MORC2: variants seen among roughly 807,000 people sequenced by gnomAD.
MORC2 encodes the protein ATPase MORC2.
In MORC2, 30 loss-of-function variants were observed where a neutral mutation model predicts 136.0. That is an observed-to-expected ratio of 0.22 (90% CI 0.17 to 0.30). MORC2 has a LOEUF of 0.30. Ranked by LOEUF, MORC2 falls within the 10% of genes least tolerant of loss-of-function variation. The pLI, the probability that MORC2 is intolerant of heterozygous loss-of-function variation, is 1.00. For synonymous variants in MORC2, 439 were observed against 487.0 expected, an observed-to-expected ratio of 0.90 and a Z score of 1.30; for missense variants, 922 against 1,333.1, an observed-to-expected ratio of 0.69 and a Z score of 4.80.
intron 3 of MORC2, among the ~76,000 whole-genome samples, chr22:30,953,246 C>G (rs1483023947): frequency 1.3e-5 from 2 of 152,216 alleles, no homozygotes; most frequent in South Asian, 4.1e-4. Flanking sequence ...AAAGAAGAGT[C>G]TAAGCAGCTG....
chr22:30,967,204 G>A, intron 1 of MORC2: 11 of 985,618 alleles, frequency 1.1e-5, no homozygotes, highest in South Asian at 4.7e-5. Context: ...ACTCCTTCAT[G>A]AACTCAAGAA....
intron 18 of MORC2, 27 bp from the exon 19 acceptor site, chr22:30,935,188 A>G: frequency 6.2e-7 from 1 of 1,612,290 alleles, no homozygotes; most frequent in African/African-American, 1.3e-5. Flanking sequence ...AGAGAGTGAG[A>G]ACACTGATCC....
Position 30,934,043 on chromosome 22 carries a change from T to C in MORC2, c.2325+17A>G. The C allele has an allele frequency of 6.2e-7, 1 of 1,613,838 alleles. No individual in the cohort carries two copies. Among genetic ancestry groups the C allele is most frequent in the East Asian group, 2.2e-5 (1 of 44,856 alleles). On this transcript the variant is annotated intron_variant, in intron 20 of 25. Coordinates refer to ENST00000397641, the MANE Select transcript of MORC2 (RefSeq NM_001303256.3). The surrounding 1 kb of genome is among the most constrained non-coding windows in gnomAD (Gnocchi z 4.4). ...CCTAGAGAGAGAGGCTTTGAGAACCTCACCTCAACCACTCACCTCATTCGA... is the reference window on the plus strand; with the variant it reads ...CCTAGAGAGAGAGGCTTTGAGAACCCCACCTCAACCACTCACCTCATTCGA...
In MORC2 at chr22:30,938,024, A is replaced by G. The variant is rs58997306; in HGVS notation, c.1214+41T>C. The G allele has an allele frequency of 4.7e-3, 7,606 of 1,613,710 alleles. 374 individuals are homozygous for G. The African/African-American group carries it at 0.093, about 20-fold the overall frequency. ...ACCCCACTGGCAACGCCCTCCTGCC[A>G]ACTATCCTGGGCTAGACAGCTCTCT... On this transcript the variant is annotated intron_variant, in intron 13 of 25. Transcript: ENST00000397641.
At chr22:30,966,412 T>C (rs1480288908) in intron 1 of MORC2, among the ~76,000 whole-genome samples, 2 of 152,180 alleles carry the variant, frequency 1.3e-5, no homozygotes, top group Non-Finnish European at 2.9e-5. Flanking sequence ...AGCTGAATAA[T>C]CACTAATCAG....
intron 3 of MORC2, among the ~76,000 whole-genome samples, chr22:30,951,431 T>G (rs905266017): frequency 6.6e-6 from 1 of 152,158 alleles, no homozygotes; most frequent in African/African-American, 2.4e-5. Context: ...AAACCAGCCT[T>G]GGAATCAAGG....
At chr22:30,938,032 T>C in intron 13 of MORC2, 33 bp downstream of exon 13, 1 of 1,613,768 alleles carries the variant, frequency 6.2e-7, no homozygotes, top group Non-Finnish European at 8.5e-7. Flanking sequence ...CCAACTATCC[T>C]GGGCTAGACA....
Position 30,941,473 on chromosome 22 carries a change from C to G in MORC2, c.784G>C (p.Val262Leu), listed in dbSNP as rs1258894762. ...RMRIFIHGHK[V>L]QTKRLSCCLY... ...CAGCAGGAGAGCCTCTTGGTCTGCA[C>G]CTTGTGCCCATGGATGAAGATCCTC... is the stretch of plus-strand genomic sequence containing the variant. Residue 262 changes from valine to leucine, a missense_variant, in exon 9 of 26, where the codon GTG becomes CTG. Val to Leu is a conservative substitution (Grantham distance 32). Around this residue, in one of 9 missense-constraint regions of MORC2, gnomAD observed 261 missense variants for 354.3 expected, o/e 0.74. Transcript: ENST00000397641. This position sits in a 1 kb window ranked among gnomAD's most constrained non-coding sequence, Gnocchi z 4.6. The G allele has an allele frequency of 6.2e-7, 1 of 1,614,052 alleles. No homozygotes were observed. Among genetic ancestry groups the G allele is most frequent in the South Asian group, 1.1e-5 (1 of 91,064 alleles).
intron 5 of MORC2, among the ~76,000 whole-genome samples, chr22:30,947,913 C>T (rs2040841482): frequency 6.6e-6 from 1 of 152,174 alleles, no homozygotes; most frequent in Non-Finnish European, 1.5e-5. Context: ...CTATTCTCCC[C>T]ACAAATCACC....
intron 6 of MORC2, among the ~76,000 whole-genome samples, chr22:30,942,666 T>C (rs1193870448): frequency 6.6e-6 from 1 of 152,108 alleles, no homozygotes; most frequent in African/African-American, 2.4e-5. Flanking sequence ...CCTAGGTACA[T>C]ACCCTAGGAG....
chr22:30,945,937 T>C (rs1444210078), intron 6 of MORC2, among the ~76,000 whole-genome samples: 2 of 152,068 alleles, frequency 1.3e-5, no homozygotes, highest in Admixed American at 6.5e-5. Flanking sequence ...CATAGCACAT[T>C]CCACAAAATC....
chr22:30,964,268 A>G (rs1303947818), intron 1 of MORC2, among the ~76,000 whole-genome samples: 2 of 152,182 alleles, frequency 1.3e-5, no homozygotes, highest in Non-Finnish European at 2.9e-5. Flanking sequence ...GAGGGAGGAC[A>G]ATCACTTGAA....
At position 30,934,916 on chromosome 22, in the gene MORC2, G is replaced by A. The variant is rs756459432; in HGVS notation, c.2058C>T (p.Ser686=). Residue 686 remains serine, a synonymous_variant, in exon 19 of 26, where the codon TCC becomes TCT. Transcript: ENST00000397641. The surrounding 1 kb of genome is among the most constrained non-coding windows in gnomAD (Gnocchi z 4.4). ...GTTGCTGCACCAGAGGGGCAGGTCGGGATGCAGTCTTGACGAGAGTGTTGG... is the reference window on the plus strand; with the variant it reads ...GTTGCTGCACCAGAGGGGCAGGTCGAGATGCAGTCTTGACGAGAGTGTTGG... ...KPANTLVKTA[S]RPAPLVQQLS... The A allele has an allele frequency of 2.5e-6, 4 of 1,614,048 alleles. No homozygotes were observed. The highest frequency in any genetic ancestry group is 2.7e-5 in the African/African-American group (2 of 74,924).
intron 2 of MORC2, 95 bp from the exon 3 acceptor site, chr22:30,956,892 T>G: frequency 9.5e-7 from 1 of 1,050,294 alleles, no homozygotes; most frequent in Non-Finnish European, 1.4e-6. Context: ...GTATTTTGAG[T>G]CTGTTTTCAG....
In MORC2 at chr22:30,936,751, A is replaced by G; in HGVS notation, c.1605-108T>C. The stretch of plus-strand genomic sequence containing the variant: ...TGTCTGTCACAAGAGCAACCACCTC[A>G]GAGTTCCCAATGCACAGAATTAATC... On this transcript the variant is annotated intron_variant, in intron 16 of 25. Transcript: ENST00000397641. 2.8e-6 allele frequency: 4 copies of G among 1,430,324 alleles called. No homozygotes were observed. In the South Asian group the frequency reaches 5.1e-5, roughly 18 times the overall value. 88.6% of individuals were successfully genotyped at this position (1,430,324 alleles called of 1,614,324 possible). A position where few individuals can be genotyped will look rare whatever the true frequency, so the allele number is the denominator to read the frequency against.
chr22:30,926,700 G>C lies in MORC2; in HGVS notation c.*103C>G, dbSNP rs1025838363. The C allele has an allele frequency of 3.7e-6, 3 of 808,312 alleles. No homozygotes were observed. The highest frequency in any genetic ancestry group is 1.7e-5 in the African/African-American group (1 of 58,024). The allele number at this position is 808,312 out of a possible 1,614,324, so 50.1% of individuals were successfully genotyped here. On this transcript the variant is annotated 3_prime_UTR_variant, in exon 26 of 26. Coordinates refer to ENST00000397641, the MANE Select transcript of MORC2 (RefSeq NM_001303256.3). Reference sequence around the variant, plus strand: ...CCAAAAACACAAATGTCCCGTGTAAGTCAAACCAAGGTGCGACCACCAACC... The same window carrying C: ...CCAAAAACACAAATGTCCCGTGTAACTCAAACCAAGGTGCGACCACCAACC...
chr22:30,925,609 C>T lies in MORC2; in HGVS notation c.*1194G>A, dbSNP rs2040471675. ...AGGTTTGAACCACAGGTTAGTGGTA[C>T]AAAGTCACAGTCCTTGTGCCTTCAG... On this transcript the variant is annotated 3_prime_UTR_variant, in exon 26 of 26. Transcript: ENST00000397641. 1 of 153,892 alleles carries T rather than the reference C, an allele frequency of 6.5e-6. No individual in the cohort carries two copies. The highest frequency in any genetic ancestry group is 1.5e-5 in the Non-Finnish European group (1 of 68,178). 9.5% of individuals were successfully genotyped at this position (153,892 alleles called of 1,614,324 possible).
chr22:30,958,321 T>C (rs1324693026), intron 2 of MORC2, among the ~76,000 whole-genome samples: 1 of 152,242 alleles, frequency 6.6e-6, no homozygotes, highest in Non-Finnish European at 1.5e-5. Context: ...ATTAATATGA[T>C]TCCTAAGTGT....
chr22:30,939,531 A>G, intron 12 of MORC2, 90 bp downstream of exon 12: 1 of 1,271,564 alleles, frequency 7.9e-7, no homozygotes, highest in Non-Finnish European at 1.1e-6. Flanking sequence ...ATTAAAACAA[A>G]GCAGTCTTGG....
Sources: allele counts gnomAD v4.1 joint callset (sites outside exome capture counted in the v4.1 genomes callset), GRCh38; gene constraint gnomAD v4.1.1; regional missense constraint gnomAD v4.1.1; non-coding constraint Gnocchi (gnomAD v3.1); transcripts MANE v1.5; gene names NCBI Gene and HGNC (gene_info 2026-07-23, HGNC 2026-07-21).